CALN1: variants seen among roughly 807,000 people sequenced by gnomAD.
CALN1 encodes the protein calcium-binding protein 8.
A neutral mutation model predicts 30.6 loss-of-function variants in CALN1; 17 were observed. The ratio of observed to expected loss-of-function variants is 0.56; its 90% CI spans 0.38 to 0.83. CALN1 has a LOEUF of 0.83. CALN1 is among the 40% of genes least tolerant of loss of function. The pLI is 0.00. For missense variants in CALN1, 291 were observed against 354.9 expected (o/e 0.82, Z 1.45); for synonymous variants, 156 against 131.4 (o/e 1.19, Z -1.28).
chr7:71,971,946 A>G (rs1797829285), intron 5 of CALN1, among the ~76,000 whole-genome samples: 5 of 122,190 alleles, frequency 4.1e-5, no homozygotes, highest in African/African-American at 1.9e-4. Context: ...AAAAAAAAAA[A>G]AAAAAAAAAA....
At chr7:71,978,346 A>G (rs914638322) in intron 5 of CALN1, among the ~76,000 whole-genome samples, 3 of 132,596 alleles carry the variant, frequency 2.3e-5, no homozygotes, top group Non-Finnish European at 4.6e-5. Context: ...ATCTCGGCTC[A>G]CTGCAAGCTC....
At chr7:72,288,851 G>A (rs1236626179) in intron 2 of CALN1, among the ~76,000 whole-genome samples, 1 of 152,036 alleles carries the variant, frequency 6.6e-6, no homozygotes, top group African/African-American at 2.4e-5. Flanking sequence ...CCAAAAATTA[G>A]TCAGAATTAT....
chr7:71,893,252 G>T (rs1016404804), intron 5 of CALN1, among the ~76,000 whole-genome samples: 3 of 152,118 alleles, frequency 2.0e-5, no homozygotes, highest in South Asian at 2.1e-4. Context: ...GGCGTTTAGT[G>T]GGTAGAGGCT....
intron 5 of CALN1, among the ~76,000 whole-genome samples, chr7:71,975,849 T>C (rs1798075690): frequency 6.6e-6 from 1 of 151,374 alleles, no homozygotes; most frequent in Non-Finnish European, 1.5e-5. Context: ...TCCATCCTCT[T>C]TTCATGATAC....
At chr7:72,313,955 C>T (rs1215134933) in intron 2 of CALN1, among the ~76,000 whole-genome samples, 1 of 152,216 alleles carries the variant, frequency 6.6e-6, no homozygotes, top group Non-Finnish European at 1.5e-5. Context: ...TGTGGGTCTA[C>T]ACCACAAATG....
chr7:72,497,580 G>C, the CALN1 span, among the ~76,000 whole-genome samples: 1 of 152,226 alleles, frequency 6.6e-6, no homozygotes, highest in African/African-American at 2.4e-5. Flanking sequence ...CTAGGGTTAA[G>C]AGCTACATCC....
chr7:72,476,629 C>A, the CALN1 span, among the ~76,000 whole-genome samples: 1 of 152,308 alleles, frequency 6.6e-6, no homozygotes, highest in African/African-American at 2.4e-5. Context: ...TTTCCTGGGG[C>A]CTTCGTAAAA....
intron 4 of CALN1, among the ~76,000 whole-genome samples, chr7:72,082,651 C>T (rs1453856215): frequency 2.0e-5 from 3 of 152,166 alleles, no homozygotes; most frequent in South Asian, 2.1e-4. Context: ...TTTCTCATTG[C>T]TCGCATCACA....
chr7:72,249,895 C>A (rs1399424533), intron 3 of CALN1, among the ~76,000 whole-genome samples: 1 of 149,974 alleles, frequency 6.7e-6, no homozygotes, highest in Non-Finnish European at 1.5e-5. Context: ...CAAGATCACA[C>A]CACTGCACTC....
intron 2 of CALN1, among the ~76,000 whole-genome samples, chr7:72,315,733 C>T (rs540855609): frequency 2.0e-5 from 3 of 151,830 alleles, no homozygotes; most frequent in Admixed American, 6.6e-5. Context: ...CAAAAAACAA[C>T]GCCAATAGCA....
rs148819526 is a variant in CALN1 at position 72,103,894 on chromosome 7, G to A, written c.388+2257C>T. ...AAGGCTCCAAAGCTTGCGGGTTATC[G>A]TGTCCTTGGGATAGACCATCCCAAA... On this transcript the variant is annotated intron_variant, in intron 4 of 6. Coordinates refer to ENST00000395275, the MANE Select transcript of CALN1 (RefSeq NM_031468.4). Among the ~76,000 whole-genome samples, 387 of 152,202 alleles carry A rather than the reference G, an allele frequency of 2.5e-3. 4 individuals carry two copies. In the East Asian group the frequency reaches 0.027, roughly 11 times the overall value.
At chr7:72,193,574 C>T (rs1464668454) in intron 3 of CALN1, among the ~76,000 whole-genome samples, 3 of 152,110 alleles carry the variant, frequency 2.0e-5, no homozygotes, top group Admixed American at 1.3e-4. Context: ...ATGGCCTAGC[C>T]CACTACACAT....
chr7:72,317,662 G>T (rs1437882550), intron 2 of CALN1, among the ~76,000 whole-genome samples: 4 of 152,194 alleles, frequency 2.6e-5, no homozygotes, highest in Admixed American at 6.5e-5. Context: ...GGCCTAGGAA[G>T]TCCCCCCCAG....
intron 5 of CALN1, among the ~76,000 whole-genome samples, chr7:72,015,724 G>A (rs1461156976): frequency 6.6e-6 from 1 of 152,140 alleles, no homozygotes; most frequent in Non-Finnish European, 1.5e-5. Flanking sequence ...GATTATAGGT[G>A]TGAGTCACTT....
chr7:72,155,587 C>T (rs746384070), intron 3 of CALN1, among the ~76,000 whole-genome samples: 2 of 151,990 alleles, frequency 1.3e-5, no homozygotes, highest in Admixed American at 6.6e-5. Context: ...CCTGAGCAGA[C>T]GCATAGAGCT....
chr7:72,250,439 G>A (rs1447262790), intron 3 of CALN1, among the ~76,000 whole-genome samples: 2 of 152,182 alleles, frequency 1.3e-5, no homozygotes, highest in East Asian at 3.9e-4. Flanking sequence ...CAGGCACATG[G>A]ATAGCCTGGC....
intron 2 of CALN1, among the ~76,000 whole-genome samples, chr7:72,310,694 G>A (rs562692151): frequency 6.6e-6 from 1 of 151,692 alleles, no homozygotes; most frequent in East Asian, 2.0e-4. Context: ...ACCTGAGGCC[G>A]GGAGTTCGAG....
Position 72,395,170 on chromosome 7 carries a change from T to C in CALN1, c.119+8081A>G, listed in dbSNP as rs1010100280. Among the ~76,000 whole-genome samples, 5 of 152,218 alleles carry C rather than the reference T, an allele frequency of 3.3e-5. No homozygotes were observed. In the South Asian group the frequency reaches 1.0e-3, roughly 32 times the overall value. Reference sequence around the variant, plus strand: ...CCTTTTTATCTCCAACATGCAGCACTGTACCTGGCACACCAATGGCACTTG... The same window carrying C: ...CCTTTTTATCTCCAACATGCAGCACCGTACCTGGCACACCAATGGCACTTG... On this transcript the variant is annotated intron_variant, in intron 2 of 6. Coordinates refer to ENST00000395275, the MANE Select transcript of CALN1 (RefSeq NM_031468.4).
chr7:72,364,316 CAG>C (rs1397799226), intron 2 of CALN1, among the ~76,000 whole-genome samples: 13 of 152,164 alleles, frequency 8.5e-5, no homozygotes, highest in African/African-American at 3.1e-4. Context: ...TCAATATTTA[CAG>C]AGTCAAAATA....
Sources: allele counts gnomAD v4.1 joint callset (sites outside exome capture counted in the v4.1 genomes callset), GRCh38; gene constraint gnomAD v4.1.1; transcripts MANE v1.5; gene names NCBI Gene and HGNC (gene_info 2026-07-23, HGNC 2026-07-21).